Variants in TPRKB observed in about 807,000 individuals in gnomAD.
TPRKB encodes the protein TP53RK binding protein.
Under a neutral mutation model 17.8 loss-of-function variants are expected in TPRKB, and 11 were observed. The ratio of observed to expected loss-of-function variants is 0.62; its 90% CI spans 0.39 to 1.02. The LOEUF is 1.02. Among genes scored for constraint, TPRKB ranks in the 50% least tolerant of loss-of-function variants. The pLI is 0.00. For missense variants in TPRKB, 228 were observed against 198.0 expected, an observed-to-expected ratio of 1.15 and a Z score of -0.91; for synonymous variants, 71 against 69.5, an observed-to-expected ratio of 1.02 and a Z score of -0.11.
rs555010921 is a variant in TPRKB at position 73,734,536 on chromosome 2, C to T, written c.34G>A (p.Glu12Lys). ...AATAACAGAAGGGTTACCCTGCATT[C>T]GGGAAATAGGTCCAGCTGATGTGTT... Reference protein sequence around the residue: ...QLTHQLDLFPECRVTLLLFKD... With the variant: ...QLTHQLDLFPKCRVTLLLFKD... The change falls in exon 2 of 5, where the codon GAA (glutamate) becomes AAA (lysine). Residue 12 changes from glutamate (E) to lysine (K), a missense_variant. Coordinates refer to ENST00000272424, the MANE Select transcript of TPRKB (RefSeq NM_016058.5). 5.6e-6 allele frequency: 9 copies of T among 1,613,536 alleles called. No individual in the cohort carries two copies. Among genetic ancestry groups the T allele is most frequent in the African/African-American group, 4.0e-5 (3 of 74,990 alleles).
chr2:73,735,619 G>T (rs1671844402), intron 1 of TPRKB, among the ~76,000 whole-genome samples: 3 of 152,134 alleles, frequency 2.0e-5, no homozygotes, highest in African/African-American at 7.2e-5. Context: ...AACAAGAAAA[G>T]GATAGGTTAT....
intron 2 of TPRKB, 64 bp downstream of exon 2, chr2:73,734,365 C>G: frequency 6.5e-7 from 1 of 1,531,004 alleles, no homozygotes; most frequent in Non-Finnish European, 8.8e-7. Flanking sequence ...TCCTAAAGTG[C>G]TGGCATTACA....
chr2:73,735,458 C>T (rs1306314604), intron 1 of TPRKB, among the ~76,000 whole-genome samples: 1 of 151,984 alleles, frequency 6.6e-6, no homozygotes, highest in Non-Finnish European at 1.5e-5. Context: ...GCACGTTGTG[C>T]ACATGTACCC....
Position 73,730,565 on chromosome 2 carries a change from T to C in TPRKB, c.436A>G (p.Lys146Glu). The change falls in exon 4 of 5, where the codon AAA becomes GAA. Residue 146 changes from lysine (K) to glutamate (E), a missense_variant. By Grantham distance (56) the Lys-to-Glu change is moderately conservative. Coordinates refer to ENST00000272424, the MANE Select transcript of TPRKB (RefSeq NM_016058.5). ...AAAAATATGGACTGGCAAACCTTTT[T>C]GACTTCTGTAATATTCATTATTTCA... Reference protein sequence around the residue: ...LPEIMNITEVKKIYKLSSQEE... With the variant: ...LPEIMNITEVEKIYKLSSQEE... 6.3e-7 allele frequency: 1 copy of C among 1,581,176 alleles called. No homozygotes were observed. The highest frequency in any genetic ancestry group is 8.5e-7 in the Non-Finnish European group (1 of 1,169,770).
At chr2:73,732,385 C>T in intron 2 of TPRKB, 100 bp from the exon 3 acceptor site, 1 of 1,297,716 alleles carries the variant, frequency 7.7e-7, no homozygotes, top group Non-Finnish European at 1.1e-6. Context: ...AGCTGTTTTA[C>T]TTCATCACAA....
Position 73,737,306 on chromosome 2 carries a change from CG to C in TPRKB, c.-28del, listed in dbSNP as rs1209086147. ...TAGAGCGCAAGGAAAACTCACCATC[CG>C]GCCCCCAGTGCGTCTCGGAAGAGCT... On this transcript the variant is annotated 5_prime_UTR_variant, in exon 1 of 5. Transcript: ENST00000272424. The C allele has an allele frequency of 6.6e-6, 1 of 152,288 alleles. No homozygotes were observed. The highest frequency in any genetic ancestry group is 6.5e-5 in the Admixed American group (1 of 15,280). The allele number at this position is 152,288 out of a possible 1,614,324, so 9.4% of individuals were successfully genotyped here.
At chr2:73,732,500 TC>T in intron 2 of TPRKB, 1 of 506,664 alleles carries the variant, frequency 2.0e-6, no homozygotes, top group South Asian at 2.4e-5. Flanking sequence ...TCACCTGACG[TC>T]AGGGTTCAAG....
At chr2:73,734,614 A>G in intron 1 of TPRKB, 23 bp from the exon 2 acceptor site, 1 of 1,526,448 alleles carries the variant, frequency 6.6e-7, no homozygotes. Flanking sequence ...TGAAAAGACC[A>G]AAAGATTTCA....
intron 2 of TPRKB, among the ~76,000 whole-genome samples, chr2:73,733,118 G>A (rs1220874435): frequency 1.3e-5 from 2 of 152,138 alleles, no homozygotes; most frequent in East Asian, 1.9e-4. Flanking sequence ...GTTAGTATAC[G>A]TAAAGCACTT....
intron 1 of TPRKB, among the ~76,000 whole-genome samples, chr2:73,736,423 G>A (rs2103875404): frequency 6.6e-6 from 1 of 152,236 alleles, no homozygotes; most frequent in Non-Finnish European, 1.5e-5. Flanking sequence ...CACAAAACAT[G>A]AGTACACATA....
chr2:73,735,668 G>A (rs547447702), intron 1 of TPRKB, among the ~76,000 whole-genome samples: 22 of 152,252 alleles, frequency 1.4e-4, no homozygotes, highest in Non-Finnish European at 2.9e-4. Context: ...AAGACAACTT[G>A]AATAACCAGA....
In TPRKB at chr2:73,734,329, C is replaced by A. The variant is rs527498111; in HGVS notation, c.141+100G>T. The A allele has an allele frequency of 5.6e-6, 7 of 1,240,408 alleles. No individual in the cohort carries two copies. The East Asian group carries it at 1.7e-4, about 31-fold the overall frequency. The allele number at this position is 1,240,408 out of a possible 1,614,324, so 76.8% of individuals were successfully genotyped here. A position where few individuals can be genotyped will look rare whatever the true frequency, so the allele number is the denominator to read the frequency against. On this transcript the variant is annotated intron_variant, in intron 2 of 4. Transcript: ENST00000272424. ...GGCCAGGCTGGTCTTCAACTCCTGA[C>A]CTCAGATGATCCACCCGCCTCGGCC...
intron 3 of TPRKB, 36 bp downstream of exon 3, chr2:73,732,127 T>A: frequency 6.2e-7 from 1 of 1,601,510 alleles, no homozygotes; most frequent in Non-Finnish European, 8.5e-7. Flanking sequence ...TATGTTATTA[T>A]GACACGGTCA....
chr2:73,729,986 A>C lies in TPRKB; in HGVS notation c.485T>G (p.Leu162Trp). ...TGACATTCTACAAATGATAGCATCC[A>C]ATAATGTCCCAATACTTTCTTCTTG... Reference protein sequence around the residue: ...SSQEESIGTLLDAIICRMSTK... With the variant: ...SSQEESIGTLWDAIICRMSTK... Residue 162 changes from leucine (L) to tryptophan (W), a missense_variant, in exon 5 of 5, where the codon TTG becomes TGG. Leu to Trp is a moderately conservative substitution (Grantham distance 61, BLOSUM62 -2). Coordinates refer to ENST00000272424, the MANE Select transcript of TPRKB (RefSeq NM_016058.5). 1 of 1,578,242 alleles carries C rather than the reference A, an allele frequency of 6.3e-7. No individual in the cohort carries two copies. The highest frequency in any genetic ancestry group is 8.6e-7 in the Non-Finnish European group (1 of 1,160,084).
chr2:73,730,009 T>C lies in TPRKB; in HGVS notation c.462A>G (p.Gln154=). Residue 154 remains glutamine (Q), a synonymous_variant, in exon 5 of 5, where the codon CAA becomes CAG. Transcript: ENST00000272424. The part of the protein sequence containing the change: ...EVKKIYKLSS[Q]EESIGTLLDA... ...CCAATAATGTCCCAATACTTTCTTC[T>C]TGTGAAGAGAGTTTATATATCTGTA... 1.3e-6 allele frequency: 2 copies of C among 1,572,364 alleles called. No individual in the cohort carries two copies. The highest frequency in any genetic ancestry group is 1.7e-6 in the Non-Finnish European group (2 of 1,157,108).
intron 3 of TPRKB, chr2:73,731,153 C>G (rs897755341): frequency 6.4e-6 from 1 of 155,082 alleles, no homozygotes; most frequent in African/African-American, 2.4e-5. Context: ...CTGCTGAACA[C>G]ATGCTTCAGG....
chr2:73,732,202 T>TAA lies in TPRKB; in HGVS notation c.224_225insTT (p.Ser76TyrfsTer19). 6.2e-7 allele frequency: 1 copy of TAA among 1,613,926 alleles called. No homozygotes were observed. Among genetic ancestry groups the TAA allele is most frequent in the Non-Finnish European group, 8.5e-7 (1 of 1,179,898 alleles). Reference sequence around the variant, plus strand: ...AAAGGTTGAAAATAATTTCAGTAGATAGAGTTCTTGTCTTCATTTTTCCCA... The same window carrying TAA: ...AAAGGTTGAAAATAATTTCAGTAGATAAAGAGTTCTTGTCTTCATTTTTCCCA... On this transcript the variant is annotated frameshift_variant, in exon 3 of 5. Coordinates refer to ENST00000272424, the MANE Select transcript of TPRKB (RefSeq NM_016058.5). LOFTEE classifies it high-confidence loss of function.
intron 4 of TPRKB, 101 bp from the exon 5 acceptor site, chr2:73,730,130 A>G (rs968994898): frequency 7.6e-7 from 1 of 1,321,866 alleles, no homozygotes; most frequent in Non-Finnish European, 1.0e-6. Flanking sequence ...TCATTCAATT[A>G]TTGGGTTCAT....
chr2:73,735,348 T>C lies in TPRKB; in HGVS notation c.-22-757A>G, dbSNP rs1456741166. 3.4e-5 allele frequency among the ~76,000 whole-genome samples: 5 copies of C among 147,980 alleles called. No homozygotes were observed. The East Asian group carries it at 5.9e-4, about 17-fold the overall frequency. The stretch of plus-strand genomic sequence containing the variant: ...ACTCCGTCTCAAAAAAAAAAAAGAA[T>C]AGGGGGAAGGGATAGCATTAGGAGA... On this transcript the variant is annotated intron_variant, in intron 1 of 4. Coordinates refer to ENST00000272424, the MANE Select transcript of TPRKB (RefSeq NM_016058.5).
Sources: gnomAD v4.1 joint callset for allele counts (sites outside exome capture counted in the v4.1 genomes callset) on GRCh38, gnomAD v4.1.1 for gene constraint, MANE v1.5 for transcripts, NCBI Gene and HGNC (gene_info 2026-07-23, HGNC 2026-07-21) for gene names.